GCFC2: variants seen among roughly 807,000 people sequenced by gnomAD.
GCFC2 encodes the protein GC-rich sequence DNA-binding factor 2.
Under a neutral mutation model 99.4 loss-of-function variants are expected in GCFC2, and 102 were observed. The observed-to-expected ratio is 1.03, with a 90% confidence interval of 0.87 to 1.21. The LOEUF (loss-of-function observed/expected upper bound fraction) is 1.21, where lower values mean the gene tolerates loss of function less well. Ranked by LOEUF, GCFC2 falls within the 50% of genes most tolerant of loss-of-function variation. The pLI is 0.00. For synonymous variants in GCFC2, 338 were observed against 316.8 expected (o/e 1.07, Z -0.71); for missense variants, 973 against 920.9 (o/e 1.06, Z -0.73).
chr2:75,668,393 G>A (rs1409902208), intron 15 of GCFC2, among the ~76,000 whole-genome samples: 2 of 151,984 alleles, frequency 1.3e-5, no homozygotes, highest in Non-Finnish European at 2.9e-5. Flanking sequence ...GTAACTTTCA[G>A]TTGGTCTGGT....
At chr2:75,708,829 G>C (rs1680985825) in intron 1 of GCFC2, among the ~76,000 whole-genome samples, 2 of 152,012 alleles carry the variant, frequency 1.3e-5, no homozygotes, top group South Asian at 4.1e-4. Flanking sequence ...TTTTAAGAAG[G>C]GTTAGTTTAT....
rs1680873017 is a variant in GCFC2, at chr2:75,706,536, T to A, written c.381A>T (p.Glu127Asp). 1 of 1,591,694 alleles carries A rather than the reference T, an allele frequency of 6.3e-7. No homozygotes were observed. The highest frequency in any genetic ancestry group is 8.6e-7 in the Non-Finnish European group (1 of 1,166,146). ...SDSSSSLGEK[E>D]LSSTVKIPDA... The stretch of plus-strand genomic sequence containing the variant: ...CAAATTACTAACCTGTTGATGAAAG[T>A]TCTTTTTCTCCAAGAGAGCTAGAAC... Residue 127 changes from glutamate to aspartate, a missense_variant, in exon 2 of 17, where the codon GAA becomes GAT. Transcript: ENST00000321027.
rs1362289118 is a variant in GCFC2, at chr2:75,710,792, C to G, written c.64G>C (p.Ala22Pro). 3 of 1,576,906 alleles carry G rather than the reference C, an allele frequency of 1.9e-6. No individual in the cohort carries two copies. The highest frequency in any genetic ancestry group is 2.6e-6 in the Non-Finnish European group (3 of 1,167,414). The change falls in exon 1 of 17, where the codon GCC becomes CCC. Residue 22 changes from alanine to proline, a missense_variant. Ala to Pro is a conservative substitution (Grantham distance 27). Coordinates refer to ENST00000321027, the MANE Select transcript of GCFC2 (RefSeq NM_003203.5). ...RAADSSDSDG[A>P]EESPAEPGAP... Reference sequence around the variant, plus strand: ...CCAGGCTCAGCAGGCGACTCCTCGGCGCCATCGCTGTCGCTGGAATCAGCC... The same window carrying G: ...CCAGGCTCAGCAGGCGACTCCTCGGGGCCATCGCTGTCGCTGGAATCAGCC...
At chr2:75,704,217 C>T (rs1293345004) in intron 2 of GCFC2, among the ~76,000 whole-genome samples, 1 of 152,184 alleles carries the variant, frequency 6.6e-6, no homozygotes, top group African/African-American at 2.4e-5. Flanking sequence ...ATCATCCTAT[C>T]TGATATGCAA....
Position 75,673,455 on chromosome 2 carries a change from C to T in GCFC2, c.1878G>A (p.Leu626=). 1 of 1,368,602 alleles carries T rather than the reference C, an allele frequency of 7.3e-7. No individual in the cohort carries two copies. Among genetic ancestry groups the T allele is most frequent in the South Asian group, 1.2e-5 (1 of 85,748 alleles). 84.8% of individuals were successfully genotyped at this position (1,368,602 alleles called of 1,614,324 possible). ...KAVEDDVFIP[L]YPKSAVENKT... is the part of the protein sequence containing the mutation. ...TTAACAGCGCTTACCTCTTTGGATACAGAGGAATAAAAACATCATCTTCTA... is the reference window on the plus strand; with the variant it reads ...TTAACAGCGCTTACCTCTTTGGATATAGAGGAATAAAAACATCATCTTCTA... The change falls in exon 13 of 17, where the codon CTG becomes CTA. Residue 626 remains leucine, a synonymous_variant. Coordinates refer to ENST00000321027, the MANE Select transcript of GCFC2 (RefSeq NM_003203.5).
At chr2:75,706,926 A>C (rs1437936654) in intron 1 of GCFC2, among the ~76,000 whole-genome samples, 1 of 152,232 alleles carries the variant, frequency 6.6e-6, no homozygotes, top group Admixed American at 6.5e-5. Flanking sequence ...GAGAAAAAAA[A>C]AGCGACAAAA....
At chr2:75,684,602 T>C (rs1270347161) in intron 11 of GCFC2, among the ~76,000 whole-genome samples, 1 of 152,192 alleles carries the variant, frequency 6.6e-6, no homozygotes, top group Non-Finnish European at 1.5e-5. Context: ...TTTACACTGT[T>C]GGTGGGACTG....
intron 1 of GCFC2, among the ~76,000 whole-genome samples, chr2:75,710,200 C>T (rs1345557927): frequency 6.6e-6 from 1 of 152,198 alleles, no homozygotes; most frequent in Non-Finnish European, 1.5e-5. Flanking sequence ...ATAAGTTGGT[C>T]AAGTGTCTAA....
intron 9 of GCFC2, 140 bp from the exon 10 acceptor site, chr2:75,689,365 C>A: frequency 1.8e-6 from 1 of 545,820 alleles, no homozygotes; most frequent in South Asian, 2.8e-5. Context: ...TATTAAATCA[C>A]TTTATCAACA....
chr2:75,665,897 C>T, intron 16 of GCFC2, 32 bp downstream of exon 16: 1 of 1,449,754 alleles, frequency 6.9e-7, no homozygotes, highest in South Asian at 1.2e-5. Context: ...CATGAACTCT[C>T]TTTATAGAAG....
At position 75,687,935 on chromosome 2, in the gene GCFC2, C is replaced by A. The variant is rs748433829; in HGVS notation, c.1582G>T (p.Val528Leu). ...GLKEMPWFKS[V>L]EEFMDSSVED... Reference sequence around the variant, plus strand: ...ACACTGCTATCCATAAATTCTTCTACAGATTTGAACCATGGCATCTCTTTT... The same window carrying A: ...ACACTGCTATCCATAAATTCTTCTAAAGATTTGAACCATGGCATCTCTTTT... The change falls in exon 11 of 17, where the codon GTA becomes TTA. Residue 528 changes from valine (V) to leucine (L), a missense_variant. By Grantham distance (32) the Val-to-Leu change is conservative. Coordinates refer to ENST00000321027, the MANE Select transcript of GCFC2 (RefSeq NM_003203.5). 9 of 1,600,466 alleles carry A rather than the reference C, an allele frequency of 5.6e-6. No homozygotes were observed. The highest frequency in any genetic ancestry group is 5.2e-5 in the Admixed American group (3 of 58,002).
intron 4 of GCFC2, among the ~76,000 whole-genome samples, chr2:75,700,138 C>A (rs1471782377): frequency 6.6e-6 from 1 of 152,010 alleles, no homozygotes; most frequent in Non-Finnish European, 1.5e-5. Context: ...CTCAAGTGAT[C>A]CACCTGACTC....
chr2:75,710,921 C>T, upstream of GCFC2: 1 of 1,406,174 alleles, frequency 7.1e-7, no homozygotes, highest in South Asian at 1.6e-5. Flanking sequence ...TCAGTGCCCG[C>T]CCCCTAGGGC....
rs769849446 is a variant in GCFC2 at position 75,701,233 on chromosome 2, G to T, written c.674C>A (p.Thr225Asn). The change falls in exon 4 of 17, where the codon ACT becomes AAT. Residue 225 changes from threonine (T) to asparagine (N), a missense_variant. By Grantham distance (65) the Thr-to-Asn change is moderately conservative. Coordinates refer to ENST00000321027, the MANE Select transcript of GCFC2 (RefSeq NM_003203.5). ...TTTCCTCATTTGCTGTTGTTCCCAA[G>T]TATCTTGCTTTTCATCTTCCTGACT... ...EESQEDEKQD[T>N]WEQQQMRKAV... 1 of 1,608,770 alleles carries T rather than the reference G, an allele frequency of 6.2e-7. No individual in the cohort carries two copies. The highest frequency in any genetic ancestry group is 2.2e-5 in the East Asian group (1 of 44,844).
chr2:75,686,093 G>A (rs1210029673), intron 11 of GCFC2, among the ~76,000 whole-genome samples: 1 of 152,116 alleles, frequency 6.6e-6, no homozygotes, highest in Non-Finnish European at 1.5e-5. Context: ...TTATTTGTGG[G>A]ACTGTTTCAT....
intron 5 of GCFC2, among the ~76,000 whole-genome samples, chr2:75,695,011 C>G (rs2104368391): frequency 6.6e-6 from 1 of 151,936 alleles, no homozygotes; most frequent in South Asian, 2.1e-4. Flanking sequence ...AGTGTATGGT[C>G]TTTTTAAAAT....
In GCFC2 at chr2:75,701,220, CTGT is replaced by C; in HGVS notation, c.684_686del (p.Gln230del). ...TGATTTTAACTGCTTTCCTCATTTGCTGTTGTTCCCAAGTATCTTGCTTTTCAT... is the reference window on the plus strand; with the variant it reads ...TGATTTTAACTGCTTTCCTCATTTGCTGTTCCCAAGTATCTTGCTTTTCAT... On this transcript the variant is annotated inframe_deletion, in exon 4 of 17. Coordinates refer to ENST00000321027, the MANE Select transcript of GCFC2 (RefSeq NM_003203.5). The C allele has an allele frequency of 6.3e-7, 1 of 1,598,068 alleles. No homozygotes were observed. Among genetic ancestry groups the C allele is most frequent in the Non-Finnish European group, 8.6e-7 (1 of 1,165,426 alleles).
chr2:75,706,655 A>G lies in GCFC2; in HGVS notation c.266-4T>C, dbSNP rs142564873. On this transcript the variant is annotated splice_region_variant and splice_polypyrimidine_tract_variant and intron_variant, in intron 1 of 16. Transcript: ENST00000321027. ...GACACATCAAGGGTTCTGGATTCTA[A>G]CAGGACATTTTAAAAATACAACAAA... 13,277 of 1,552,130 alleles carry G rather than the reference A, an allele frequency of 8.6e-3. 88 individuals carry two copies. The highest frequency in any genetic ancestry group is 0.011 in the South Asian group (912 of 84,010).
chr2:75,701,267 T>C lies in GCFC2; in HGVS notation c.640A>G (p.Ser214Gly). Residue 214 changes from serine to glycine, a missense_variant, in exon 4 of 17, where the codon AGT becomes GGT. Transcript: ENST00000321027. ...EESISRNEET[S>G]EESQEDEKQD... Reference sequence around the variant, plus strand: ...TTTTCATCTTCCTGACTTTCTTCACTTGTTTCTTCATTTCTGCTTACTAGC... The same window carrying C: ...TTTTCATCTTCCTGACTTTCTTCACCTGTTTCTTCATTTCTGCTTACTAGC... 1.2e-6 allele frequency: 2 copies of C among 1,604,926 alleles called. No individual in the cohort carries two copies. The highest frequency in any genetic ancestry group is 1.7e-6 in the Non-Finnish European group (2 of 1,171,682).
Sources: gnomAD v4.1 joint callset for allele counts (sites outside exome capture counted in the v4.1 genomes callset) on GRCh38, gnomAD v4.1.1 for gene constraint, MANE v1.5 for transcripts, NCBI Gene and HGNC (gene_info 2026-07-23, HGNC 2026-07-21) for gene names.